The following CTNNA3 variants were observed in gnomAD, a reference collection of about 807,000 sequenced individuals.
The protein encoded by CTNNA3 is catenin alpha 3.
A neutral mutation model predicts 95.7 loss-of-function variants in CTNNA3; 76 were observed. The observed-to-expected ratio is 0.79, with a 90% CI of 0.66 to 0.96. CTNNA3 has a LOEUF of 0.96. Ranked by LOEUF, CTNNA3 falls within the 40% of genes least tolerant of loss-of-function variation. The pLI, the probability that CTNNA3 is intolerant of heterozygous loss-of-function variation, is 0.00. For missense variants in CTNNA3, 1,191 were observed against 1,089.8 expected, an observed-to-expected ratio of 1.09 and a Z score of -1.31; for synonymous variants, 431 against 374.4, an observed-to-expected ratio of 1.15 and a Z score of -1.74.
At chr10:67,488,355 C>T (rs1305915276) in intron 5 of CTNNA3, among the ~76,000 whole-genome samples, 1 of 152,086 alleles carries the variant, frequency 6.6e-6, no homozygotes, top group Non-Finnish European at 1.5e-5. Flanking sequence ...GGTCAGAGAT[C>T]CCTTGCATCA....
rs563193172 is a variant in CTNNA3 at position 67,339,048 on chromosome 10, A to G, written c.580-119178T>C. ...GACCAATATTTCTCTTCTAGCTCAT[A>G]AGAAAATGAATTGAAGTCTTGTAGA... On this transcript the variant is annotated intron_variant, in intron 5 of 17. Coordinates refer to ENST00000433211, the MANE Select transcript of CTNNA3 (RefSeq NM_013266.4). Among the ~76,000 whole-genome samples the G allele has an allele frequency of 2.0e-5, 3 of 152,298 alleles. No homozygotes were observed. The East Asian group carries it at 5.8e-4, about 29-fold the overall frequency.
At chr10:66,490,821 A>C (rs1332168920) in intron 11 of CTNNA3, among the ~76,000 whole-genome samples, 1 of 152,182 alleles carries the variant, frequency 6.6e-6, no homozygotes, top group East Asian at 1.9e-4. Context: ...TATAGTCTTC[A>C]TCAGTATGGG....
At chr10:66,796,083 G>A (rs1841178834) in intron 7 of CTNNA3, among the ~76,000 whole-genome samples, 1 of 152,112 alleles carries the variant, frequency 6.6e-6, no homozygotes, top group Non-Finnish European at 1.5e-5. Flanking sequence ...TGTGTTCACT[G>A]GAGCAGAACT....
chr10:66,340,065 T>C (rs1164348774), intron 12 of CTNNA3, among the ~76,000 whole-genome samples: 2 of 151,720 alleles, frequency 1.3e-5, no homozygotes, highest in Non-Finnish European at 3.0e-5. Flanking sequence ...CTGTTACATA[T>C]TAATAAAAAA....
intron 14 of CTNNA3, among the ~76,000 whole-genome samples, chr10:66,076,923 T>A (rs1354787493): frequency 6.6e-6 from 1 of 151,780 alleles, no homozygotes; most frequent in African/African-American, 2.4e-5. Flanking sequence ...AATGTTTTAT[T>A]TCTTTTTCAT....
chr10:66,815,591 C>A (rs571501043), intron 7 of CTNNA3, among the ~76,000 whole-genome samples: 33 of 152,038 alleles, frequency 2.2e-4, no homozygotes, highest in Middle Eastern at 3.2e-3. Flanking sequence ...TGTCAGCCCA[C>A]GTGAACAGTG....
chr10:66,094,975 C>G lies in CTNNA3; in HGVS notation c.1977+8182G>C, dbSNP rs541089434. 8.9e-4 allele frequency among the ~76,000 whole-genome samples: 135 copies of G among 152,124 alleles called. 2 individuals are homozygous for G. Among genetic ancestry groups the G allele is most frequent in the African/African-American group, 3.1e-3 (130 of 41,522 alleles). On this transcript the variant is annotated intron_variant, in intron 14 of 17. Coordinates refer to ENST00000433211, the MANE Select transcript of CTNNA3 (RefSeq NM_013266.4). ...TTGTGCAACTGAATGTACAGAGGTG[C>G]CTTAAGGAATGTAAGAGTTTGAGTA... is the stretch of plus-strand genomic sequence containing the variant.
chr10:66,661,399 C>T (rs1047708051), intron 9 of CTNNA3, among the ~76,000 whole-genome samples: 7 of 152,034 alleles, frequency 4.6e-5, no homozygotes, highest in African/African-American at 1.4e-4. Flanking sequence ...TGGGAAAGAC[C>T]GCCCCCTATG....
chr10:66,968,656 G>A (rs72804650), intron 7 of CTNNA3, among the ~76,000 whole-genome samples: 34,979 of 151,894 alleles, frequency 0.23, 4,583 homozygotes, highest in South Asian at 0.3. Context: ...TAAATAAGTG[G>A]CTATGAAACT....
In CTNNA3 at chr10:67,025,894, G is replaced by C. The variant is rs1056583641; in HGVS notation, c.1047+154423C>G. ...CAATGATAGACTGGATTAAGAAAAT[G>C]TGGCACATATACACCATGGAATACT... On this transcript the variant is annotated intron_variant, in intron 7 of 17. Coordinates refer to ENST00000433211, the MANE Select transcript of CTNNA3 (RefSeq NM_013266.4). Among the ~76,000 whole-genome samples, 39 of 138,094 alleles carry C rather than the reference G, an allele frequency of 2.8e-4. 1 individual carries two copies. Among genetic ancestry groups the C allele is most frequent in the Admixed American group, 2.5e-3 (34 of 13,370 alleles). 90.6% of individuals were successfully genotyped at this position (138,094 alleles called of 152,430 possible).
chr10:66,948,990 G>T (rs7099153), intron 7 of CTNNA3, among the ~76,000 whole-genome samples: 41,108 of 151,806 alleles, frequency 0.27, 5,838 homozygotes, highest in Middle Eastern at 0.33. Context: ...TTTTTTCTTT[G>T]CTGTTAAAGC....
chr10:66,843,726 G>C (rs1014845331), intron 7 of CTNNA3, among the ~76,000 whole-genome samples: 4 of 152,142 alleles, frequency 2.6e-5, no homozygotes, highest in African/African-American at 9.7e-5. Flanking sequence ...AACAGAGAAG[G>C]ACATGACCCT....
At chr10:66,238,593 A>G (rs940854767) in intron 13 of CTNNA3, among the ~76,000 whole-genome samples, 2 of 151,914 alleles carry the variant, frequency 1.3e-5, no homozygotes, top group Non-Finnish European at 1.5e-5. Flanking sequence ...TAATGAGGGT[A>G]TGGGTGGCAG....
At chr10:66,452,037 T>A (rs2093467998) in intron 11 of CTNNA3, among the ~76,000 whole-genome samples, 2 of 151,826 alleles carry the variant, frequency 1.3e-5, no homozygotes, top group South Asian at 4.2e-4. Flanking sequence ...CCCTGGCCAG[T>A]TCTCCAGCCA....
chr10:67,323,221 A>G (rs1182141012), intron 5 of CTNNA3, among the ~76,000 whole-genome samples: 7 of 152,010 alleles, frequency 4.6e-5, no homozygotes, highest in Non-Finnish European at 8.8e-5. Context: ...CTTTAATTTA[A>G]TTAGGTCCCA....
intron 13 of CTNNA3, among the ~76,000 whole-genome samples, chr10:66,267,207 A>G (rs2091178926): frequency 6.6e-6 from 1 of 152,012 alleles, no homozygotes; most frequent in Non-Finnish European, 1.5e-5. Flanking sequence ...GACATGCATG[A>G]AGACTCTTAA....
chr10:66,666,821 T>TA lies in CTNNA3; in HGVS notation c.1282-45038dup, dbSNP rs1235840832. ...CTTGGGGAAAAAAAACTTACTTTTT[T>TA]AATGTATAAAGCACATATAATGTAC... On this transcript the variant is annotated intron_variant, in intron 9 of 17. Transcript: ENST00000433211. Among the ~76,000 whole-genome samples, 7 of 151,842 alleles carry TA rather than the reference T, an allele frequency of 4.6e-5. No individual in the cohort carries two copies. In the South Asian group the frequency reaches 1.0e-3, roughly 23 times the overall value.
intron 5 of CTNNA3, among the ~76,000 whole-genome samples, chr10:67,412,885 C>A (rs149974952): frequency 1.4e-4 from 21 of 152,148 alleles, no homozygotes; most frequent in African/African-American, 4.6e-4. Context: ...AAAAGAATGA[C>A]ACCTGCCACC....
intron 11 of CTNNA3, among the ~76,000 whole-genome samples, chr10:66,448,683 G>T (rs1589266923): frequency 6.6e-6 from 1 of 151,806 alleles, no homozygotes; most frequent in Non-Finnish European, 1.5e-5. Flanking sequence ...GTTGTGGGGT[G>T]GGGGAAGGGG....
Sources: gnomAD v4.1 joint callset for allele counts (sites outside exome capture counted in the v4.1 genomes callset) on GRCh38, gnomAD v4.1.1 for gene constraint, MANE v1.5 for transcripts, NCBI Gene and HGNC (gene_info 2026-07-23, HGNC 2026-07-21) for gene names.